NCR1: variants seen among roughly 807,000 people sequenced by gnomAD.
NCR1 encodes NK cell-activating receptor.
A neutral mutation model predicts 32.5 loss-of-function variants in NCR1; 30 were observed. That is an observed-to-expected ratio of 0.92 (90% confidence interval 0.69 to 1.25). NCR1 has a LOEUF of 1.25. Among genes scored for constraint, NCR1 ranks in the 50% most tolerant of loss-of-function variants. The pLI is 0.00. For synonymous variants in NCR1, 169 were observed against 143.4 expected (o/e 1.18, Z -1.28); for missense variants, 369 against 380.7 (o/e 0.97, Z 0.26).
the NCR1 span, among the ~76,000 whole-genome samples, chr19:54,925,771 G>A: frequency 1.3e-5 from 2 of 152,088 alleles, no homozygotes; most frequent in African/African-American, 4.8e-5. Flanking sequence ...GGCCGAGGTG[G>A]GCAGATCACC....
chr19:54,903,466 A>G (rs914615856), upstream of NCR1, among the ~76,000 whole-genome samples: 18 of 135,018 alleles, frequency 1.3e-4, 1 homozygote, highest in Non-Finnish European at 2.7e-4. Context: ...ATATGTATGT[A>G]TACACGGATA....
At chr19:54,922,473 ACT>A in the NCR1 span, among the ~76,000 whole-genome samples, 1 of 151,922 alleles carries the variant, frequency 6.6e-6, no homozygotes, top group Non-Finnish European at 1.5e-5. Flanking sequence ...AGCCACACAG[ACT>A]CACACAGAAA....
chr19:54,914,692 G>A (rs1341665653), downstream of NCR1, among the ~76,000 whole-genome samples: 1 of 151,094 alleles, frequency 6.6e-6, no homozygotes, highest in African/African-American at 2.4e-5. Context: ...GCTCTGCAGA[G>A]ATATCATTTC....
upstream of NCR1, among the ~76,000 whole-genome samples, chr19:54,905,882 A>G (rs2067571798): frequency 6.6e-6 from 1 of 152,202 alleles, no homozygotes; most frequent in South Asian, 2.1e-4. Flanking sequence ...AACTTCCCAC[A>G]GTCAGCTCTG....
At chr19:54,930,115 CAAAAAA>C in the NCR1 span, among the ~76,000 whole-genome samples, 1 of 100,564 alleles carries the variant, frequency 9.9e-6, no homozygotes, top group African/African-American at 3.7e-5. Context: ...GGCTCCGTCT[CAAAAAA>C]AAAAAAAAAA....
At chr19:54,933,878 A>G in the NCR1 span, 2 of 765,966 alleles carry the variant, frequency 2.6e-6, no homozygotes, top group South Asian at 1.5e-5. Context: ...GGGAGTCATC[A>G]TGGCCACAAA....
At chr19:54,903,432 ACG>A (rs1350208037), upstream of NCR1, among the ~76,000 whole-genome samples, 110 of 132,678 alleles carry the variant, frequency 8.3e-4, 1 homozygote, top group South Asian at 1.6e-3. Context: ...GTATGTATAC[ACG>A]CATACATGTA....
chr19:54,928,154 A>C, the NCR1 span, among the ~76,000 whole-genome samples: 1 of 152,238 alleles, frequency 6.6e-6, no homozygotes, highest in Non-Finnish European at 1.5e-5. Context: ...TGGGAGGCGG[A>C]GGTTACAGTG....
At chr19:54,934,499 G>A in the NCR1 span, 1 of 1,614,146 alleles carries the variant, frequency 6.2e-7, no homozygotes, top group East Asian at 2.2e-5. The surrounding 1 kb of genome is among the most constrained non-coding windows in gnomAD (Gnocchi z 6.7). Flanking sequence ...GACAACATCT[G>A]CAGGAAGTGT....
At chr19:54,923,515 G>C in the NCR1 span, 1 of 598,576 alleles carries the variant, frequency 1.7e-6, no homozygotes, top group African/African-American at 1.9e-5. Context: ...CAGCTGCAAC[G>C]AGAGTGCTCT....
the NCR1 span, among the ~76,000 whole-genome samples, chr19:54,899,959 G>T: frequency 3.9e-5 from 6 of 152,204 alleles, no homozygotes; most frequent in Admixed American, 2.0e-4. Context: ...AGAAGGGAGA[G>T]ATTGAAGAGT....
At chr19:54,937,646 C>A in the NCR1 span, among the ~76,000 whole-genome samples, 1 of 151,746 alleles carries the variant, frequency 6.6e-6, no homozygotes, top group African/African-American at 2.4e-5. Flanking sequence ...GCCTATAATC[C>A]CAGCACTTTG....
In NCR1 at chr19:54,909,338, C is replaced by T; in HGVS notation, c.449C>T (p.Thr150Ile). The T allele has an allele frequency of 3.7e-6, 6 of 1,614,154 alleles. No homozygotes were observed. Among genetic ancestry groups the T allele is most frequent in the Middle Eastern group, 3.3e-4 (2 of 6,060 alleles). ...TTCTACTGCCGTCTAGACACTGCAA[C>T]AAGCATGTTCTTACTGCTCAAGGAG... Reference protein sequence around the residue: ...VTFYCRLDTATSMFLLLKEGR... With the variant: ...VTFYCRLDTAISMFLLLKEGR... The change falls in exon 4 of 7, where the codon ACA (threonine) becomes ATA (isoleucine). Residue 150 changes from threonine (T) to isoleucine (I), a missense_variant. Transcript: ENST00000291890.
the NCR1 span, among the ~76,000 whole-genome samples, chr19:54,925,217 A>C: frequency 1.3e-5 from 2 of 152,260 alleles, no homozygotes; most frequent in Admixed American, 1.3e-4. Context: ...CATATGACAT[A>C]AGAGACCACA....
At chr19:54,911,853 G>A (rs2067991879) in intron 5 of NCR1, among the ~76,000 whole-genome samples, 1 of 151,956 alleles carries the variant, frequency 6.6e-6, no homozygotes, top group African/African-American at 2.4e-5. Flanking sequence ...AAATTACCTG[G>A]GTATGTGGTG....
At chr19:54,902,066 T>C (rs1191631901), upstream of NCR1, among the ~76,000 whole-genome samples, 1 of 152,218 alleles carries the variant, frequency 6.6e-6, no homozygotes, top group Non-Finnish European at 1.5e-5. Context: ...GAAATTTGAA[T>C]AAAGTGGATA....
chr19:54,937,224 A>AG, the NCR1 span, among the ~76,000 whole-genome samples: 1 of 151,960 alleles, frequency 6.6e-6, no homozygotes, highest in Non-Finnish European at 1.5e-5. Context: ...TCAAAAAAAA[A>AG]AAAAAAAGTC....
At chr19:54,925,038 G>A in the NCR1 span, among the ~76,000 whole-genome samples, 2 of 152,152 alleles carry the variant, frequency 1.3e-5, no homozygotes, top group South Asian at 2.1e-4. Flanking sequence ...TGGCTCTAAC[G>A]TGGCTGCAGC....
chr19:54,898,804 C>A, the NCR1 span, among the ~76,000 whole-genome samples: 1 of 152,142 alleles, frequency 6.6e-6, no homozygotes, highest in Middle Eastern at 3.4e-3. Flanking sequence ...CTTGACTATG[C>A]CTTTAGCTTC....
Sources: allele counts gnomAD v4.1 joint callset (sites outside exome capture counted in the v4.1 genomes callset), GRCh38; gene constraint gnomAD v4.1.1; non-coding constraint Gnocchi (gnomAD v3.1); transcripts MANE v1.5; gene names NCBI Gene and HGNC (gene_info 2026-07-23, HGNC 2026-07-21).